LIPF: variants seen among roughly 807,000 people sequenced by gnomAD.
The protein encoded by LIPF is lipase F, gastric type.
Under a neutral mutation model 38.0 loss-of-function variants are expected in LIPF, and 25 were observed. The observed-to-expected ratio is 0.66, with a 90% CI of 0.48 to 0.92. LIPF has a LOEUF of 0.92. Among genes scored for constraint, LIPF ranks in the 40% least tolerant of loss-of-function variants. The probability of loss-of-function intolerance (pLI) is 0.00; values close to 1 mark genes in which losing one functional copy is unlikely to be tolerated. For synonymous variants in LIPF, 161 were observed against 156.2 expected, an observed-to-expected ratio of 1.03 and a Z score of -0.23; for missense variants, 410 against 469.9, an observed-to-expected ratio of 0.87 and a Z score of 1.18.
rs751651958 is a variant in LIPF at position 88,676,328 on chromosome 10, A to C, written c.960+48A>C. The C allele has an allele frequency of 2.7e-6, 3 of 1,112,328 alleles. No individual in the cohort carries two copies. The East Asian group carries it at 7.2e-5, about 27-fold the overall frequency. The allele number at this position is 1,112,328 out of a possible 1,614,324, so 68.9% of individuals were successfully genotyped here. On this transcript the variant is annotated intron_variant, in intron 9 of 9. Transcript: ENST00000238983. ...TATTCACATTTTGAACAACAATACT[A>C]ACTATTTAAATGTTAAAGAAGAAAT...
intron 3 of LIPF, 48 bp from the exon 4 acceptor site, chr10:88,668,510 T>A (rs199783702): frequency 1.3e-6 from 2 of 1,539,664 alleles, no homozygotes; most frequent in Admixed American, 3.4e-5. Flanking sequence ...ACATTTATCC[T>A]AGAATAAGGA....
At chr10:88,665,705 T>C in intron 1 of LIPF, 1 of 569,414 alleles carries the variant, frequency 1.8e-6, no homozygotes, top group Non-Finnish European at 3.1e-6. Flanking sequence ...TCCTAAAATA[T>C]CACGGTAAAA....
chr10:88,677,781 A>G (rs1332510052), intron 9 of LIPF, among the ~76,000 whole-genome samples: 1 of 152,220 alleles, frequency 6.6e-6, no homozygotes, highest in Non-Finnish European at 1.5e-5. Context: ...TCTGCTTTGT[A>G]AACCTCTTTA....
At chr10:88,666,797 G>A (rs1841518277) in intron 1 of LIPF, among the ~76,000 whole-genome samples, 1 of 152,144 alleles carries the variant, frequency 6.6e-6, no homozygotes, top group Non-Finnish European at 1.5e-5. Context: ...AATGTTTATG[G>A]AATAACTATT....
chr10:88,667,661 T>C lies in LIPF; in HGVS notation c.198T>C (p.Tyr66=). The stretch of plus-strand genomic sequence containing the variant: ...TTCTTGAAGTCAATAGAATTCCTTA[T>C]GGGAAGAAAAATTCAGGGAATACAG... ...GYILEVNRIP[Y]GKKNSGNTGQ... The change falls in exon 3 of 10, where the codon TAT becomes TAC. Residue 66 remains tyrosine, a synonymous_variant. Transcript: ENST00000238983. 6.5e-7 allele frequency: 1 copy of C among 1,542,274 alleles called. No homozygotes were observed. The highest frequency in any genetic ancestry group is 9.0e-7 in the Non-Finnish European group (1 of 1,116,376).
chr10:88,673,646 C>A lies in LIPF; in HGVS notation c.728C>A (p.Thr243Asn). 6.2e-7 allele frequency: 1 copy of A among 1,611,484 alleles called. No homozygotes were observed. Among genetic ancestry groups the A allele is most frequent in the Non-Finnish European group, 8.5e-7 (1 of 1,177,814 alleles). The change falls in exon 7 of 10, where the codon ACT becomes AAT. Residue 243 changes from threonine to asparagine, a missense_variant. Transcript: ENST00000238983. ...PHNFFDQFLA[T>N]EVCSREMLNL... ...AACTTCTTTGATCAATTTCTTGCTA[C>A]TGAAGTGTGCTCCCGTGAGATGCTG...
intron 8 of LIPF, 85 bp from the exon 9 acceptor site, chr10:88,676,124 A>C (rs1206766414): frequency 1.3e-6 from 1 of 763,936 alleles, no homozygotes; most frequent in Non-Finnish European, 2.1e-6. Context: ...GTTTAAATTG[A>C]AAATAAACTG....
chr10:88,664,606 T>G (rs573477477), intron 1 of LIPF, 115 bp downstream of exon 1: 2 of 152,644 alleles, frequency 1.3e-5, no homozygotes, highest in Non-Finnish European at 2.9e-5. Flanking sequence ...CCTGCATAAA[T>G]GTATCTGTTT....
At chr10:88,667,424 C>A in intron 2 of LIPF, 22 bp downstream of exon 2, 2 of 1,344,828 alleles carry the variant, frequency 1.5e-6, no homozygotes, top group Non-Finnish European at 2.1e-6. Flanking sequence ...TGGGGAAAAA[C>A]TCTATAAAAC....
intron 7 of LIPF, among the ~76,000 whole-genome samples, chr10:88,674,017 A>C (rs940471150): frequency 6.6e-6 from 1 of 152,244 alleles, no homozygotes; most frequent in Non-Finnish European, 1.5e-5. Context: ...AAATTCTGTA[A>C]GAGAAAGGAC....
intron 5 of LIPF, among the ~76,000 whole-genome samples, chr10:88,671,455 TAA>T (rs1196377883): frequency 2.0e-5 from 3 of 152,190 alleles, no homozygotes; most frequent in Non-Finnish European, 4.4e-5. Context: ...CTACTCATAT[TAA>T]GTGTTAATTA....
At chr10:88,677,534 C>A (rs1248730426) in intron 9 of LIPF, among the ~76,000 whole-genome samples, 2 of 152,156 alleles carry the variant, frequency 1.3e-5, no homozygotes, top group Non-Finnish European at 2.9e-5. Flanking sequence ...TATGAATATT[C>A]TCCACACACT....
intron 5 of LIPF, among the ~76,000 whole-genome samples, chr10:88,670,245 G>C (rs1304044234): frequency 3.3e-5 from 5 of 152,098 alleles, no homozygotes; most frequent in Non-Finnish European, 7.4e-5. Flanking sequence ...CTATTCATTT[G>C]ACCATATTTA....
rs529088210 is a variant in LIPF, at chr10:88,665,680, T to G, written c.-12+1189T>G. The G allele has an allele frequency of 4.7e-4, 319 of 679,494 alleles. 1 individual carries two copies. Among genetic ancestry groups the G allele is most frequent in the Admixed American group, 1.3e-3 (56 of 42,574 alleles). The allele number at this position is 679,494 out of a possible 1,614,324, so 42.1% of individuals were successfully genotyped here. A position where few individuals can be genotyped will look rare whatever the true frequency, so the allele number is the denominator to read the frequency against. On this transcript the variant is annotated intron_variant, in intron 1 of 9. Coordinates refer to ENST00000238983, the MANE Select transcript of LIPF (RefSeq NM_004190.4). Reference sequence around the variant, plus strand: ...ACAACACTACTGGTTAGTCTTTATATATTAGTTTATCTCTTCCTAAAATAT... The same window carrying G: ...ACAACACTACTGGTTAGTCTTTATAGATTAGTTTATCTCTTCCTAAAATAT...
In LIPF at chr10:88,667,368, T is replaced by C. The variant is rs1480464908; in HGVS notation, c.71T>C (p.Leu24Ser). 6.2e-7 allele frequency: 1 copy of C among 1,611,770 alleles called. No homozygotes were observed. The highest frequency in any genetic ancestry group is 1.7e-5 in the Admixed American group (1 of 60,000). ...LGTTHGLFGK[L>S]HPGSPEVTMN... The stretch of plus-strand genomic sequence containing the variant: ...ACTACACATGGTTTGTTTGGAAAAT[T>C]ACATCCTGGAAGCCCTGAAGTGACT... The change falls in exon 2 of 10, where the codon TTA becomes TCA. Residue 24 changes from leucine to serine, a missense_variant. Physicochemically the swap from Leu to Ser is moderately radical, Grantham distance 145. Coordinates refer to ENST00000238983, the MANE Select transcript of LIPF (RefSeq NM_004190.4).
intron 3 of LIPF, among the ~76,000 whole-genome samples, 180 bp downstream of exon 3, chr10:88,667,866 A>G (rs921411428): frequency 6.6e-6 from 1 of 152,194 alleles, no homozygotes; most frequent in Admixed American, 6.5e-5. Context: ...AAAATAAGCT[A>G]TATTTTCAGT....
chr10:88,668,699 C>T lies in LIPF; in HGVS notation c.365C>T (p.Thr122Ile). Reference sequence around the variant, plus strand: ...TGGCTGGGCAACAGCAGAGGAAACACCTGGGCCAGAAGAAACTTGTACTAT... The same window carrying T: ...TGGCTGGGCAACAGCAGAGGAAACATCTGGGCCAGAAGAAACTTGTACTAT... ...DVWLGNSRGN[T>I]WARRNLYYSP... is the part of the protein sequence containing the mutation. The change falls in exon 4 of 10, where the codon ACC becomes ATC. Residue 122 changes from threonine (T) to isoleucine (I), a missense_variant. Thr to Ile is a moderately conservative substitution (Grantham distance 89). Coordinates refer to ENST00000238983, the MANE Select transcript of LIPF (RefSeq NM_004190.4). The T allele has an allele frequency of 6.2e-7, 1 of 1,614,086 alleles. No homozygotes were observed. Among genetic ancestry groups the T allele is most frequent in the Non-Finnish European group, 8.5e-7 (1 of 1,179,986 alleles).
rs776478651 is a variant in LIPF at position 88,675,667 on chromosome 10, T to C, written c.888+10T>C. The stretch of plus-strand genomic sequence containing the variant: ...GTTCCATTGGACCCAGGTATTCTTT[T>C]CCAAATGCTGTTAAAATGTATTTTG... On this transcript the variant is annotated intron_variant, in intron 8 of 9. Coordinates refer to ENST00000238983, the MANE Select transcript of LIPF (RefSeq NM_004190.4). 1 of 1,593,740 alleles carries C rather than the reference T, an allele frequency of 6.3e-7. No individual in the cohort carries two copies. The highest frequency in any genetic ancestry group is 8.6e-7 in the Non-Finnish European group (1 of 1,161,600).
intron 6 of LIPF, among the ~76,000 whole-genome samples, chr10:88,672,300 CA>C (rs1323546539): frequency 1.3e-5 from 2 of 151,418 alleles, no homozygotes; most frequent in African/African-American, 4.9e-5. Flanking sequence ...GAAATAAAAA[CA>C]AAACAAAATA....
Sources: gnomAD v4.1 joint callset for allele counts (sites outside exome capture counted in the v4.1 genomes callset) on GRCh38, gnomAD v4.1.1 for gene constraint, MANE v1.5 for transcripts, NCBI Gene and HGNC (gene_info 2026-07-23, HGNC 2026-07-21) for gene names.